Variants in JPH1 observed in about 807,000 individuals in gnomAD.
The protein encoded by JPH1 is junctophilin-1.
A neutral mutation model predicts 53.6 loss-of-function variants in JPH1; 12 were observed. That is an observed-to-expected ratio of 0.22 (90% CI 0.14 to 0.36). The LOEUF (loss-of-function observed/expected upper bound fraction) is 0.36. Ranked by LOEUF, JPH1 falls within the 10% of genes least tolerant of loss-of-function variation. The probability of loss-of-function intolerance (pLI) is 1.00; values close to 1 mark genes in which losing one functional copy is unlikely to be tolerated. For synonymous variants in JPH1, 375 were observed against 363.8 expected (o/e 1.03, Z -0.35); for missense variants, 808 against 905.5 (o/e 0.89, Z 1.38).
At chr8:74,266,973 C>T (rs988346916) in intron 2 of JPH1, among the ~76,000 whole-genome samples, 1 of 152,124 alleles carries the variant, frequency 6.6e-6, no homozygotes, top group Non-Finnish European at 1.5e-5. Context: ...TAAAGCCTGG[C>T]ATGGAGGCTG....
Position 74,315,379 on chromosome 8 carries a change from C to T in JPH1, c.621G>A (p.Lys207=), listed in dbSNP as rs1412853935. 6.2e-7 allele frequency: 1 copy of T among 1,612,560 alleles called. No individual in the cohort carries two copies. Among genetic ancestry groups the T allele is most frequent in the Non-Finnish European group, 8.5e-7 (1 of 1,179,954 alleles). ...AGCCCCTCCGGAAGAGGCCGCCCTT[C>T]TTCTTGCCCGCTAGCTCAGCGTCTG... ...FHADAELAGK[K]KGGLFRRGSL... Residue 207 remains lysine, a synonymous_variant, in exon 2 of 6, where the codon AAG becomes AAA. Coordinates refer to ENST00000342232, the MANE Select transcript of JPH1 (RefSeq NM_020647.4). The surrounding 1 kb of genome is among the most constrained non-coding windows in gnomAD (Gnocchi z 6.3).
chr8:74,295,919 T>C (rs763682327), intron 2 of JPH1, among the ~76,000 whole-genome samples: 10 of 151,738 alleles, frequency 6.6e-5, no homozygotes, highest in Admixed American at 1.3e-4. Flanking sequence ...TTTACCCGAG[T>C]CCTGTGAAAT....
intron 3 of JPH1, among the ~76,000 whole-genome samples, chr8:74,251,791 T>C (rs909192173): frequency 1.3e-5 from 2 of 152,172 alleles, no homozygotes; most frequent in Non-Finnish European, 2.9e-5. Context: ...AAGCTACCAA[T>C]GACTTTCTTC....
chr8:74,284,654 A>G (rs1807108110), intron 2 of JPH1, among the ~76,000 whole-genome samples: 1 of 152,184 alleles, frequency 6.6e-6, no homozygotes, highest in Admixed American at 6.5e-5. Flanking sequence ...ACCTGGCAAA[A>G]GAATTCTCAT....
At chr8:74,294,187 G>A (rs1009472029) in intron 2 of JPH1, among the ~76,000 whole-genome samples, 3 of 152,282 alleles carry the variant, frequency 2.0e-5, no homozygotes, top group African/African-American at 7.2e-5. Flanking sequence ...TAGGGCCTGG[G>A]GACTTCTCTG....
chr8:74,302,009 T>C (rs563377781), intron 2 of JPH1, among the ~76,000 whole-genome samples: 18 of 152,336 alleles, frequency 1.2e-4, no homozygotes, highest in African/African-American at 3.6e-4. Flanking sequence ...TGCCGTGTGC[T>C]TGCCATGTGA....
At position 74,244,798 on chromosome 8, in the gene JPH1, G is replaced by A. The variant is rs1436152307; in HGVS notation, c.1636C>T (p.Leu546=). ...TAGTAGCCGTGATACTGAGAATGCA[G>A]CTCCCCGTTACTGGGGTTGGGGATG... The part of the protein sequence containing the change: ...HHIPNPSNGE[L]HSQYHGYYVK... The change falls in exon 4 of 6, where the codon CTG becomes TTG. Residue 546 remains leucine (L), a synonymous_variant. Transcript: ENST00000342232. 6.2e-7 allele frequency: 1 copy of A among 1,614,210 alleles called. No homozygotes were observed.
intron 2 of JPH1, among the ~76,000 whole-genome samples, chr8:74,288,997 A>T (rs1807247428): frequency 6.6e-6 from 1 of 152,196 alleles, no homozygotes; most frequent in South Asian, 2.1e-4. Flanking sequence ...ACTTTACCTA[A>T]GAGTTTAGTG....
At chr8:74,251,034 C>A (rs969757845) in intron 3 of JPH1, among the ~76,000 whole-genome samples, 1 of 152,160 alleles carries the variant, frequency 6.6e-6, no homozygotes, top group Non-Finnish European at 1.5e-5. Context: ...GAATCAAATA[C>A]GTAATGGCAT....
At chr8:74,241,998 A>G (rs557273589) in intron 4 of JPH1, among the ~76,000 whole-genome samples, 1 of 152,308 alleles carries the variant, frequency 6.6e-6, no homozygotes, top group African/African-American at 2.4e-5. Context: ...ATCACATTGA[A>G]TGCGTGCCCC....
intron 1 of JPH1, among the ~76,000 whole-genome samples, chr8:74,319,711 G>C (rs547966953): frequency 1.4e-4 from 22 of 152,292 alleles, no homozygotes; most frequent in South Asian, 8.3e-4. Flanking sequence ...CAGTGGGCTG[G>C]AGAAACTTTT....
intron 1 of JPH1, among the ~76,000 whole-genome samples, chr8:74,319,066 GTTTAT>G (rs1808241013): frequency 6.6e-6 from 1 of 151,480 alleles, no homozygotes; most frequent in African/African-American, 2.4e-5. Context: ...TTTTTTTTAA[GTTTAT>G]TTTAAAACTG....
chr8:74,246,088 G>C (rs1805853548), intron 3 of JPH1, among the ~76,000 whole-genome samples: 1 of 152,090 alleles, frequency 6.6e-6, no homozygotes, highest in African/African-American at 2.4e-5. Flanking sequence ...AGGGCCTTCA[G>C]CTCTCAGCAA....
intron 2 of JPH1, among the ~76,000 whole-genome samples, chr8:74,264,544 T>C (rs1806479514): frequency 3.3e-5 from 5 of 152,196 alleles, no homozygotes; most frequent in Admixed American, 3.3e-4. Flanking sequence ...TGCCCCGTGT[T>C]ACACTAAGGG....
At chr8:74,255,725 G>C (rs1019467801) in intron 3 of JPH1, among the ~76,000 whole-genome samples, 1 of 152,062 alleles carries the variant, frequency 6.6e-6, no homozygotes, top group African/African-American at 2.4e-5. Context: ...TCAAAAAGTG[G>C]GTGAAGGATA....
intron 2 of JPH1, among the ~76,000 whole-genome samples, chr8:74,274,942 A>G (rs2131411641): frequency 6.6e-6 from 1 of 152,344 alleles, no homozygotes; most frequent in Middle Eastern, 3.4e-3. Flanking sequence ...GAGGAATTTT[A>G]GTATAGAAAC....
At chr8:74,279,590 G>A (rs1333264502) in intron 2 of JPH1, among the ~76,000 whole-genome samples, 1 of 152,140 alleles carries the variant, frequency 6.6e-6, no homozygotes, top group East Asian at 1.9e-4. Flanking sequence ...TTAGGCCTAG[G>A]GCCTTCTATC....
At chr8:74,306,142 G>T (rs530817765) in intron 2 of JPH1, among the ~76,000 whole-genome samples, 4 of 152,288 alleles carry the variant, frequency 2.6e-5, no homozygotes, top group African/African-American at 9.6e-5. Flanking sequence ...TATGACATCA[G>T]AGCTGAAGGC....
intron 2 of JPH1, among the ~76,000 whole-genome samples, chr8:74,290,702 G>C (rs1248934715): frequency 6.6e-6 from 1 of 152,130 alleles, no homozygotes; most frequent in Non-Finnish European, 1.5e-5. Context: ...AACAAAGCTG[G>C]AGGCATCACG....
Sources: allele counts gnomAD v4.1 joint callset (sites outside exome capture counted in the v4.1 genomes callset), GRCh38; gene constraint gnomAD v4.1.1; non-coding constraint Gnocchi (gnomAD v3.1); transcripts MANE v1.5; gene names NCBI Gene and HGNC (gene_info 2026-07-23, HGNC 2026-07-21).